The following ERI3 variants were observed in gnomAD, a reference collection of about 807,000 sequenced individuals.
The protein encoded by ERI3 is ERI1 exoribonuclease family member 3, also known as ERI1 exoribonuclease 3.
A neutral mutation model predicts 44.4 loss-of-function variants in ERI3; 18 were observed. The observed-to-expected ratio is 0.41, with a 90% CI of 0.28 to 0.60. ERI3 has a LOEUF of 0.60. Ranked by LOEUF, ERI3 falls within the 20% of genes least tolerant of loss-of-function variation. The pLI is 0.36. For synonymous variants in ERI3, 183 were observed against 164.8 expected, an observed-to-expected ratio of 1.11 and a Z score of -0.84; for missense variants, 294 against 435.5, an observed-to-expected ratio of 0.68 and a Z score of 2.89.
intron 7 of ERI3, among the ~76,000 whole-genome samples, chr1:44,278,942 A>G (rs553734928): frequency 6.6e-6 from 1 of 152,344 alleles, no homozygotes; most frequent in South Asian, 2.1e-4. Context: ...ATTAAATAAA[A>G]TTTAAAATGT....
Position 44,221,458 on chromosome 1 carries a change from G to T in ERI3, c.*100C>A. The stretch of plus-strand genomic sequence containing the variant: ...GGCAGCTGGGGACACTCTGGACACA[G>T]AGCTATGCCACTCTCCCTCTTCCCC... On this transcript the variant is annotated 3_prime_UTR_variant, in exon 9 of 9. Transcript: ENST00000372257. This position sits in a 1 kb window ranked among gnomAD's most constrained non-coding sequence, Gnocchi z 5.9. The T allele has an allele frequency of 9.9e-7, 1 of 1,006,170 alleles. No individual in the cohort carries two copies. The highest frequency in any genetic ancestry group is 1.5e-6 in the Non-Finnish European group (1 of 648,968). 62.3% of individuals were successfully genotyped at this position (1,006,170 alleles called of 1,614,324 possible).
At chr1:44,243,554 G>A (rs1292637600) in intron 8 of ERI3, 1 of 152,214 alleles carries the variant, frequency 6.6e-6, no homozygotes, top group Non-Finnish European at 1.5e-5. Flanking sequence ...AGGGCCAGGC[G>A]AGACTCCCAG....
intron 6 of ERI3, among the ~76,000 whole-genome samples, chr1:44,304,304 A>T (rs1401349901): frequency 3.3e-5 from 5 of 152,188 alleles, no homozygotes; most frequent in Non-Finnish European, 4.4e-5. Flanking sequence ...GGTAAGTGTG[A>T]ATGTGTAGAA....
At chr1:44,303,666 G>C (rs142035332) in intron 6 of ERI3, among the ~76,000 whole-genome samples, 17 of 152,316 alleles carry the variant, frequency 1.1e-4, no homozygotes, top group African/African-American at 4.1e-4. Flanking sequence ...TGGCTGGTGG[G>C]GAGGGGTGTG....
intron 8 of ERI3, chr1:44,243,984 C>T (rs949134528): frequency 1.3e-5 from 2 of 152,184 alleles, no homozygotes; most frequent in African/African-American, 4.8e-5. Context: ...TTCACTGAGA[C>T]TCAGTTTCTT....
intron 8 of ERI3, among the ~76,000 whole-genome samples, chr1:44,222,560 G>A (rs959459477): frequency 1.3e-5 from 2 of 152,170 alleles, no homozygotes; most frequent in South Asian, 2.1e-4. Flanking sequence ...GGGCCTCAGC[G>A]TCATGGACAT....
intron 7 of ERI3, among the ~76,000 whole-genome samples, chr1:44,278,660 A>G (rs1435927303): frequency 6.6e-6 from 1 of 152,154 alleles, no homozygotes; most frequent in East Asian, 1.9e-4. Flanking sequence ...GCTGTGGCAC[A>G]ATCTCAGCTC....
At chr1:44,294,193 C>G (rs1156690635) in intron 6 of ERI3, among the ~76,000 whole-genome samples, 1 of 152,222 alleles carries the variant, frequency 6.6e-6, no homozygotes, top group African/African-American at 2.4e-5. Flanking sequence ...CCCAGACATG[C>G]TACTCTGGAG....
intron 8 of ERI3, among the ~76,000 whole-genome samples, chr1:44,245,299 C>T (rs1644531876): frequency 6.6e-6 from 1 of 152,190 alleles, no homozygotes; most frequent in Non-Finnish European, 1.5e-5. Context: ...CTTCCAAGCA[C>T]CCTCACCCAC....
chr1:44,284,774 C>T (rs1037791084), intron 7 of ERI3, 61 bp downstream of exon 7: 15 of 1,268,572 alleles, frequency 1.2e-5, no homozygotes, highest in East Asian at 4.6e-5. Context: ...AAGCAAAGGA[C>T]GGGAGCTCTG....
chr1:44,291,185 C>A (rs147326389), intron 6 of ERI3, among the ~76,000 whole-genome samples: 76 of 152,272 alleles, frequency 5.0e-4, no homozygotes, highest in Non-Finnish European at 9.1e-4. Flanking sequence ...CTCTGAACTA[C>A]CACATTGAGC....
intron 6 of ERI3, among the ~76,000 whole-genome samples, chr1:44,304,282 C>T (rs779864772): frequency 1.6e-4 from 25 of 151,950 alleles, no homozygotes; most frequent in Non-Finnish European, 2.6e-4. Context: ...ATGGCAAAGA[C>T]GAGATCACTC....
chr1:44,325,317 C>T (rs189278329), intron 3 of ERI3, among the ~76,000 whole-genome samples: 2 of 152,120 alleles, frequency 1.3e-5, no homozygotes, highest in East Asian at 1.9e-4. Context: ...CCTCAAGATC[C>T]GCACGCCTCG....
chr1:44,253,343 G>A (rs1027832963), intron 7 of ERI3, among the ~76,000 whole-genome samples: 1 of 152,170 alleles, frequency 6.6e-6, no homozygotes, highest in Non-Finnish European at 1.5e-5. Flanking sequence ...TGGGATGACA[G>A]TACTTTCCTC....
intron 8 of ERI3, among the ~76,000 whole-genome samples, chr1:44,222,628 A>G (rs1643929360): frequency 6.6e-6 from 1 of 152,100 alleles, no homozygotes; most frequent in Non-Finnish European, 1.5e-5. Flanking sequence ...ACCTGCCCAG[A>G]GCTTATTCCA....
chr1:44,222,131 GT>G (rs1278072746), intron 8 of ERI3, among the ~76,000 whole-genome samples: 1 of 152,230 alleles, frequency 6.6e-6, no homozygotes, highest in Non-Finnish European at 1.5e-5. Context: ...TTTCGTGTGT[GT>G]GGGAGATGTG....
In ERI3 at chr1:44,261,669, A is replaced by G. The variant is rs138952701; in HGVS notation, c.832-13631T>C. On this transcript the variant is annotated intron_variant, in intron 7 of 8. Transcript: ENST00000372257. The stretch of plus-strand genomic sequence containing the variant: ...TATGCGCTCCGCTCCGTCCCCAAAG[A>G]GAAAGAAAGGCTCGTTAACAGCTCC... Among the ~76,000 whole-genome samples, 154 of 152,354 alleles carry G rather than the reference A, an allele frequency of 1.0e-3. No homozygotes were observed. In the East Asian group the frequency reaches 0.029, roughly 29 times the overall value.
At chr1:44,323,629 T>C (rs748371345) in intron 3 of ERI3, among the ~76,000 whole-genome samples, 1 of 152,236 alleles carries the variant, frequency 6.6e-6, no homozygotes, top group East Asian at 1.9e-4. Flanking sequence ...CTCCAAGACA[T>C]GTGGAAAATG....
rs1645220344 is a variant in ERI3 at position 44,278,341 on chromosome 1, G to A, written c.831+6494C>T. ...AAAATACAAAAATTAGCTTGGCATG[G>A]TAGCACACACCTGCAGTCCCAGCTA... is the stretch of plus-strand genomic sequence containing the variant. On this transcript the variant is annotated intron_variant, in intron 7 of 8. Transcript: ENST00000372257. 3.9e-5 allele frequency among the ~76,000 whole-genome samples: 6 copies of A among 152,040 alleles called. No homozygotes were observed. In the South Asian group the frequency reaches 1.2e-3, roughly 31 times the overall value.
Sources: allele counts gnomAD v4.1 joint callset (sites outside exome capture counted in the v4.1 genomes callset), GRCh38; gene constraint gnomAD v4.1.1; non-coding constraint Gnocchi (gnomAD v3.1); transcripts MANE v1.5; gene names NCBI Gene and HGNC (gene_info 2026-07-23, HGNC 2026-07-21).